Variants in FAM171A1 observed in about 807,000 individuals in gnomAD.
FAM171A1 encodes protein FAM171A1.
In FAM171A1, 23 loss-of-function variants were observed where a neutral mutation model predicts 74.9. The ratio of observed to expected loss-of-function variants is 0.31; its 90% CI spans 0.22 to 0.44. FAM171A1 has a LOEUF of 0.44. Ranked by LOEUF, FAM171A1 falls within the 20% of genes least tolerant of loss-of-function variation. FAM171A1 has a pLI of 1.00. For missense variants in FAM171A1, 1,162 were observed against 1,159.2 expected (o/e 1.00, Z -0.03); for synonymous variants, 527 against 505.7 (o/e 1.04, Z -0.57).
intron 1 of FAM171A1, among the ~76,000 whole-genome samples, chr10:15,337,288 T>A (rs376401781): frequency 1.5e-3 from 235 of 152,360 alleles, no homozygotes; most frequent in African/African-American, 4.9e-3. Flanking sequence ...TGGTCTTTGA[T>A]CTATACTTTA....
chr10:15,217,975 G>A (rs1387901659), intron 6 of FAM171A1, among the ~76,000 whole-genome samples: 5 of 152,098 alleles, frequency 3.3e-5, no homozygotes, highest in Non-Finnish European at 5.9e-5. Context: ...CAATTCCCAC[G>A]GATGTAGCAA....
At chr10:15,283,848 T>C in intron 2 of FAM171A1, 30 bp downstream of exon 2, 1 of 1,608,048 alleles carries the variant, frequency 6.2e-7, no homozygotes. Flanking sequence ...CAATGCCCTC[T>C]GTGTTAAAGA....
In FAM171A1 at chr10:15,214,186, C is replaced by A. The variant is rs374113882; in HGVS notation, c.1402G>T (p.Ala468Ser). Reference protein sequence around the residue: ...HKSVEVFPLKARKSMEREGYE... With the variant: ...HKSVEVFPLKSRKSMEREGYE... Reference sequence around the variant, plus strand: ...CCTTCTCTTTCCATAGATTTTCTTGCCTTTAAGGGAAAAACCTCCACTGAC... The same window carrying A: ...CCTTCTCTTTCCATAGATTTTCTTGACTTTAAGGGAAAAACCTCCACTGAC... The change falls in exon 8 of 8, where the codon GCA becomes TCA. Residue 468 changes from alanine (A) to serine (S), a missense_variant. Physicochemically the swap from Ala to Ser is moderately conservative, Grantham distance 99 (BLOSUM62 1). Transcript: ENST00000378116. 8.9e-5 allele frequency: 143 copies of A among 1,614,042 alleles called. No homozygotes were observed. The highest frequency in any genetic ancestry group is 1.2e-4 in the Non-Finnish European group (136 of 1,180,030).
chr10:15,346,846 A>G (rs370433771), intron 1 of FAM171A1, among the ~76,000 whole-genome samples: 1 of 152,182 alleles, frequency 6.6e-6, no homozygotes, highest in African/African-American at 2.4e-5. Context: ...GCAGCTGAGA[A>G]TCTCCAGGGA....
chr10:15,317,442 C>T (rs954321352), intron 1 of FAM171A1, among the ~76,000 whole-genome samples: 6 of 152,170 alleles, frequency 3.9e-5, no homozygotes, highest in African/African-American at 1.4e-4. Flanking sequence ...GTTGCCCAGA[C>T]TGGAGTGTAG....
At position 15,335,105 on chromosome 10, in the gene FAM171A1, G is replaced by T. The variant is rs188767427; in HGVS notation, c.97+35851C>A. Among the ~76,000 whole-genome samples, 240 of 152,232 alleles carry T rather than the reference G, an allele frequency of 1.6e-3. 2 individuals are homozygous for T. The highest frequency in any genetic ancestry group is 3.1e-4 in the Non-Finnish European group (21 of 68,008). ...AAATATACAAAAATCAGCCATGCATGGTGGCGCTTACCTATGTAGTCTCAG... is the reference window on the plus strand; with the variant it reads ...AAATATACAAAAATCAGCCATGCATTGTGGCGCTTACCTATGTAGTCTCAG... On this transcript the variant is annotated intron_variant, in intron 1 of 7. Coordinates refer to ENST00000378116, the MANE Select transcript of FAM171A1 (RefSeq NM_001010924.2).
intron 1 of FAM171A1, among the ~76,000 whole-genome samples, chr10:15,349,099 TGTTAA>T (rs927425554): frequency 1.4e-4 from 22 of 152,302 alleles, no homozygotes; most frequent in African/African-American, 4.6e-4. Context: ...TCACAACAGT[TGTTAA>T]GTTGTTAGCA....
intron 2 of FAM171A1, among the ~76,000 whole-genome samples, chr10:15,277,557 C>T (rs975420613): frequency 1.3e-5 from 2 of 152,120 alleles, no homozygotes; most frequent in Non-Finnish European, 2.9e-5. Flanking sequence ...GCCCATTTCA[C>T]AGGTAAGGAA....
chr10:15,280,374 A>G (rs1202873874), intron 2 of FAM171A1, among the ~76,000 whole-genome samples: 1 of 152,228 alleles, frequency 6.6e-6, no homozygotes, highest in African/African-American at 2.4e-5. Flanking sequence ...GGGTAGAACA[A>G]CTGGACTGGA....
At chr10:15,275,088 A>G (rs369271415) in intron 3 of FAM171A1, among the ~76,000 whole-genome samples, 1 of 151,706 alleles carries the variant, frequency 6.6e-6, no homozygotes, top group East Asian at 1.9e-4. Flanking sequence ...AACATTACAC[A>G]CCGGGGCCTG....
intron 3 of FAM171A1, among the ~76,000 whole-genome samples, chr10:15,265,828 G>A (rs976770161): frequency 6.6e-6 from 1 of 152,108 alleles, no homozygotes; most frequent in African/African-American, 2.4e-5. Flanking sequence ...CCCAAATATG[G>A]TAGGAAAGGG....
Position 15,214,179 on chromosome 10 carries a change from T to C in FAM171A1, c.1409A>G (p.Lys470Arg), listed in dbSNP as rs1219940864. Residue 470 changes from lysine to arginine, a missense_variant, in exon 8 of 8, where the codon AAA (lysine) becomes AGA (arginine). Physicochemically the swap from Lys to Arg is conservative, Grantham distance 26. Transcript: ENST00000378116. Reference protein sequence around the residue: ...SVEVFPLKARKSMEREGYESS... With the variant: ...SVEVFPLKARRSMEREGYESS... ...CTCGTAGCCTTCTCTTTCCATAGAT[T>C]TTCTTGCCTTTAAGGGAAAAACCTC... 6.2e-7 allele frequency: 1 copy of C among 1,614,154 alleles called. No individual in the cohort carries two copies. Among genetic ancestry groups the C allele is most frequent in the Non-Finnish European group, 8.5e-7 (1 of 1,180,034 alleles).
intron 1 of FAM171A1, among the ~76,000 whole-genome samples, chr10:15,299,136 C>G (rs139373525): frequency 0.012 from 1,833 of 152,276 alleles, 36 homozygotes; most frequent in African/African-American, 0.042. Flanking sequence ...CCAGGCTGGT[C>G]TCAAACTCCC....
intron 1 of FAM171A1, among the ~76,000 whole-genome samples, chr10:15,332,251 A>C (rs1835648216): frequency 6.6e-6 from 1 of 152,098 alleles, no homozygotes; most frequent in Non-Finnish European, 1.5e-5. Flanking sequence ...CCACCACGCC[A>C]GGCCAGGACT....
At position 15,229,715 on chromosome 10, in the gene FAM171A1, CA is replaced by C. The variant is rs1834168481; in HGVS notation, c.755-8656del. On this transcript the variant is annotated intron_variant, in intron 5 of 7. Coordinates refer to ENST00000378116, the MANE Select transcript of FAM171A1 (RefSeq NM_001010924.2). ...CCACCATCACCATCATCATCATCAC[CA>C]CCATCACCATCATCACCATCACCCC... Among the ~76,000 whole-genome samples the C allele has an allele frequency of 1.1e-4, 14 of 123,780 alleles. 1 individual carries two copies. The South Asian group carries it at 2.9e-3, about 25-fold the overall frequency. 81.2% of individuals were successfully genotyped at this position (123,780 alleles called of 152,430 possible).
At chr10:15,233,494 C>T (rs879292029) in intron 5 of FAM171A1, among the ~76,000 whole-genome samples, 7 of 150,618 alleles carry the variant, frequency 4.6e-5, no homozygotes, top group African/African-American at 7.3e-5. Context: ...TAGTGAAGGA[C>T]ATTCTGCACA....
intron 3 of FAM171A1, among the ~76,000 whole-genome samples, chr10:15,263,844 A>C (rs1834698706): frequency 6.7e-6 from 1 of 149,850 alleles, no homozygotes; most frequent in African/African-American, 2.5e-5. Context: ...CTATACATTT[A>C]TCTCATCTAT....
At chr10:15,305,156 A>G (rs1835278242) in intron 1 of FAM171A1, among the ~76,000 whole-genome samples, 1 of 152,252 alleles carries the variant, frequency 6.6e-6, no homozygotes, top group South Asian at 2.1e-4. Flanking sequence ...CCCGGTGAAG[A>G]TACGCCATGA....
At chr10:15,352,970 C>T (rs1261180522) in intron 1 of FAM171A1, among the ~76,000 whole-genome samples, 1 of 152,194 alleles carries the variant, frequency 6.6e-6, no homozygotes, top group African/African-American at 2.4e-5. Flanking sequence ...AACATTTGGA[C>T]AATCGGTAGA....
Sources: allele counts gnomAD v4.1 joint callset (sites outside exome capture counted in the v4.1 genomes callset), GRCh38; gene constraint gnomAD v4.1.1; transcripts MANE v1.5; gene names NCBI Gene and HGNC (gene_info 2026-07-23, HGNC 2026-07-21).